Variants in RNF24 observed in about 807,000 individuals in gnomAD.
The protein encoded by RNF24 is ring finger protein 24.
A neutral mutation model predicts 20.0 loss-of-function variants in RNF24; 14 were observed. The observed-to-expected ratio is 0.70, with a 90% CI of 0.46 to 1.10. RNF24 has a LOEUF of 1.10. Ranked by LOEUF, RNF24 falls within the 50% of genes least tolerant of loss-of-function variation. RNF24 has a pLI of 0.00. For synonymous variants in RNF24, 45 were observed against 61.1 expected, an observed-to-expected ratio of 0.74 and a Z score of 1.23; for missense variants, 124 against 177.6, an observed-to-expected ratio of 0.70 and a Z score of 1.71.
chr20:4,009,641 A>G (rs1170809575), intron 1 of RNF24, among the ~76,000 whole-genome samples: 2 of 152,092 alleles, frequency 1.3e-5, no homozygotes, highest in African/African-American at 4.8e-5. Flanking sequence ...GATAAGTTTA[A>G]GGAGTGGAGA....
At chr20:3,996,908 C>G (rs1980912128) in intron 1 of RNF24, among the ~76,000 whole-genome samples, 1 of 151,990 alleles carries the variant, frequency 6.6e-6, no homozygotes, top group African/African-American at 2.4e-5. Flanking sequence ...AGATCTGTAC[C>G]AACTTTTACA....
chr20:4,014,483 C>A (rs1982720145), intron 1 of RNF24, among the ~76,000 whole-genome samples: 2 of 152,090 alleles, frequency 1.3e-5, no homozygotes, highest in South Asian at 2.1e-4. Flanking sequence ...CCTATGTAGA[C>A]AGACATGAGA....
chr20:3,947,937 T>C (rs546001641), intron 3 of RNF24, among the ~76,000 whole-genome samples: 21 of 151,882 alleles, frequency 1.4e-4, no homozygotes, highest in Non-Finnish European at 2.8e-4. Context: ...TCCCAGCTAC[T>C]TGGGAGGCTG....
In RNF24 at chr20:3,929,888, C is replaced by G. The variant is rs1254201022; in HGVS notation, c.*4175G>C. 6.6e-6 allele frequency: 1 copy of G among 152,238 alleles called. No individual in the cohort carries two copies. The highest frequency in any genetic ancestry group is 2.4e-5 in the African/African-American group (1 of 41,466). 9.4% of individuals were successfully genotyped at this position (152,238 alleles called of 1,614,324 possible). On this transcript the variant is annotated 3_prime_UTR_variant, in exon 6 of 6. Coordinates refer to ENST00000358395, the MANE Select transcript of RNF24 (RefSeq NM_001134337.3). ...TAAAATGAAAATATGTCTTACTCAACAGGAGTGTGATTGCAAAAACATCCC... is the reference window on the plus strand; with the variant it reads ...TAAAATGAAAATATGTCTTACTCAAGAGGAGTGTGATTGCAAAAACATCCC...
At chr20:3,968,433 A>AC (rs1198341292) in intron 1 of RNF24, among the ~76,000 whole-genome samples, 1 of 152,114 alleles carries the variant, frequency 6.6e-6, no homozygotes, top group Admixed American at 6.6e-5. Context: ...ACACAGGGAG[A>AC]CCCCACCTGT....
intron 1 of RNF24, among the ~76,000 whole-genome samples, chr20:3,986,355 G>C (rs1176858461): frequency 1.3e-5 from 2 of 151,748 alleles, no homozygotes; most frequent in African/African-American, 4.8e-5. Context: ...GAGCTCAAGG[G>C]ATCCTCCTGC....
chr20:4,009,650 G>T (rs1864853390), intron 1 of RNF24, among the ~76,000 whole-genome samples: 1 of 152,096 alleles, frequency 6.6e-6, no homozygotes, highest in African/African-American at 2.4e-5. Flanking sequence ...AAGGAGTGGA[G>T]AGAAGTTATG....
At chr20:3,987,606 G>C (rs1014760391) in intron 1 of RNF24, among the ~76,000 whole-genome samples, 1 of 152,094 alleles carries the variant, frequency 6.6e-6, no homozygotes, top group Non-Finnish European at 1.5e-5. Context: ...GGTTCTATTA[G>C]GTCAGCATAA....
intron 1 of RNF24, among the ~76,000 whole-genome samples, chr20:3,992,108 G>T (rs996546831): frequency 6.6e-6 from 1 of 152,144 alleles, no homozygotes; most frequent in Non-Finnish European, 1.5e-5. Flanking sequence ...GAGGATAACA[G>T]AGATCTTACT....
rs374934108 is a variant in RNF24, at chr20:3,934,022, A to G, written c.*41T>C. 104 of 1,419,828 alleles carry G rather than the reference A, an allele frequency of 7.3e-5. No individual in the cohort carries two copies. In the African/African-American group the frequency reaches 1.3e-3, roughly 17 times the overall value. The allele number at this position is 1,419,828 out of a possible 1,614,324, so 88.0% of individuals were successfully genotyped here. A position where few individuals can be genotyped will look rare whatever the true frequency, so the allele number is the denominator to read the frequency against. On this transcript the variant is annotated 3_prime_UTR_variant, in exon 6 of 6. Coordinates refer to ENST00000358395, the MANE Select transcript of RNF24 (RefSeq NM_001134337.3). This position sits in a 1 kb window ranked among gnomAD's most constrained non-coding sequence, Gnocchi z 4.0. ...CCACATGTGTTCCTCCTGGCTCCAC[A>G]CAGACGTCGTGTCCAGCAACAGTCT...
At position 3,974,738 on chromosome 20, in the gene RNF24, A is replaced by T. The variant is rs932251431; in HGVS notation, c.-7-10714T>A. Among the ~76,000 whole-genome samples, 6 of 152,200 alleles carry T rather than the reference A, an allele frequency of 3.9e-5. No individual in the cohort carries two copies. In the East Asian group the frequency reaches 1.2e-3, roughly 29 times the overall value. On this transcript the variant is annotated intron_variant, in intron 1 of 5. Transcript: ENST00000358395. ...GGACTTATATGCTAAAAATGACAAA[A>T]TGATGATTAGAGGAATCAAGTAAAA... is the stretch of plus-strand genomic sequence containing the variant.
intron 2 of RNF24, among the ~76,000 whole-genome samples, chr20:3,955,801 C>A (rs1371611326): frequency 2.0e-5 from 3 of 152,134 alleles, no homozygotes; most frequent in Admixed American, 1.3e-4. Flanking sequence ...TCTTTAATTT[C>A]TTTCAGCAAT....
chr20:3,993,934 G>T (rs1412478092), intron 1 of RNF24, among the ~76,000 whole-genome samples: 1 of 152,138 alleles, frequency 6.6e-6, no homozygotes, highest in African/African-American at 2.4e-5. Flanking sequence ...CCTAAGGATA[G>T]CAGAAAGACA....
intron 1 of RNF24, among the ~76,000 whole-genome samples, chr20:3,969,916 G>A (rs567805459): frequency 7.6e-4 from 116 of 151,878 alleles, no homozygotes; most frequent in African/African-American, 2.7e-3. Context: ...GACTACAGGC[G>A]CCCACCACCA....
intron 1 of RNF24, among the ~76,000 whole-genome samples, chr20:3,966,701 T>C (rs1041498404): frequency 1.3e-5 from 2 of 152,182 alleles, no homozygotes; most frequent in African/African-American, 2.4e-5. Context: ...AAACCATGTC[T>C]GGCCAAAGGC....
intron 1 of RNF24, among the ~76,000 whole-genome samples, chr20:4,006,237 C>T (rs1342950812): frequency 3.3e-5 from 5 of 151,990 alleles, no homozygotes; most frequent in Non-Finnish European, 5.9e-5. Flanking sequence ...AGTGTGGTGG[C>T]GCATGCCTGT....
intron 4 of RNF24, among the ~76,000 whole-genome samples, chr20:3,936,608 T>C (rs919575506): frequency 2.6e-5 from 4 of 152,206 alleles, no homozygotes; most frequent in African/African-American, 9.6e-5. Flanking sequence ...GGGCCTCAGC[T>C]TCCCACCTGT....
At chr20:3,972,852 G>A (rs944491754) in intron 1 of RNF24, among the ~76,000 whole-genome samples, 5 of 151,860 alleles carry the variant, frequency 3.3e-5, no homozygotes, top group East Asian at 1.9e-4. Context: ...GCAGTGAGCC[G>A]AGATCGCGCC....
In RNF24 at chr20:3,932,602, G is replaced by A. The variant is rs984595784; in HGVS notation, c.*1461C>T. ...CTGGAGTCATGCCAAGAGCAGAGTA[G>A]CAAAGCTCCCTCCATCCATTCTCCA... is the stretch of plus-strand genomic sequence containing the variant. On this transcript the variant is annotated 3_prime_UTR_variant, in exon 6 of 6. Coordinates refer to ENST00000358395, the MANE Select transcript of RNF24 (RefSeq NM_001134337.3). 8 of 244,724 alleles carry A rather than the reference G, an allele frequency of 3.3e-5. No homozygotes were observed. Among genetic ancestry groups the A allele is most frequent in the Non-Finnish European group, 6.2e-5 (8 of 129,742 alleles). 15.2% of individuals were successfully genotyped at this position (244,724 alleles called of 1,614,324 possible).
Sources: allele counts gnomAD v4.1 joint callset (sites outside exome capture counted in the v4.1 genomes callset), GRCh38; gene constraint gnomAD v4.1.1; non-coding constraint Gnocchi (gnomAD v3.1); transcripts MANE v1.5; gene names NCBI Gene and HGNC (gene_info 2026-07-23, HGNC 2026-07-21).